Variants in DST observed in about 807,000 individuals in gnomAD.
The protein encoded by DST is bullous pemphigoid antigen.
In DST, 253 loss-of-function variants were observed where a neutral mutation model predicts 875.2. That is an observed-to-expected ratio of 0.29 (90% CI 0.26 to 0.32). The LOEUF (loss-of-function observed/expected upper bound fraction) is 0.32, where lower values mean the gene tolerates loss of function less well. DST is among the 10% of genes least tolerant of loss of function. The probability of loss-of-function intolerance (pLI) is 1.00; values close to 1 mark genes in which losing one functional copy is unlikely to be tolerated. For missense variants in DST, 8,287 were observed against 9,111.6 expected (o/e 0.91, Z 3.68); for synonymous variants, 3,124 against 3,197.1 (o/e 0.98, Z 0.77).
At chr6:56,781,538 T>C (rs2099693973) in intron 4 of DST, among the ~76,000 whole-genome samples, 1 of 152,198 alleles carries the variant, frequency 6.6e-6, no homozygotes, top group South Asian at 2.1e-4. Flanking sequence ...GTTATTGGTG[T>C]ACAAGAATGC....
intron 4 of DST, among the ~76,000 whole-genome samples, chr6:56,762,156 G>C (rs2099618717): frequency 6.6e-6 from 1 of 152,112 alleles, no homozygotes; most frequent in Non-Finnish European, 1.5e-5. Flanking sequence ...GAGTAGCTGG[G>C]ATTACAGGTA....
At position 56,552,814 on chromosome 6, in the gene DST, C is replaced by T. The variant is rs939749187; in HGVS notation, c.15978G>A (p.Lys5326=). Reference sequence around the variant, plus strand: ...GTCTTTTAGCCAAATCTACCTGATGCTTCAAGGCCTGAAGTGATTTCTGCT... The same window carrying T: ...GTCTTTTAGCCAAATCTACCTGATGTTTCAAGGCCTGAAGTGATTTCTGCT... ...QTQQKSLQAL[K]HQVDLAKRLA... The change falls in exon 61 of 104, where the codon AAG becomes AAA. Residue 5326 remains lysine, a synonymous_variant. Coordinates refer to ENST00000680361, the MANE Select transcript of DST (RefSeq NM_001374736.1). The T allele has an allele frequency of 1.2e-6, 2 of 1,612,000 alleles. No individual in the cohort carries two copies. Among genetic ancestry groups the T allele is most frequent in the African/African-American group, 2.7e-5 (2 of 75,062 alleles).
At chr6:56,779,777 A>G (rs936937475) in intron 4 of DST, among the ~76,000 whole-genome samples, 4 of 150,328 alleles carry the variant, frequency 2.7e-5, no homozygotes, top group African/African-American at 9.8e-5. Context: ...CACAATATGC[A>G]GGTTAGTTAC....
Position 56,634,936 on chromosome 6 carries a change from A to G in DST, c.3204T>C (p.Leu1068=), listed in dbSNP as rs1332985589. 6.2e-7 allele frequency: 1 copy of G among 1,612,812 alleles called. No homozygotes were observed. The highest frequency in any genetic ancestry group is 1.7e-5 in the Admixed American group (1 of 60,024). ...TTGCTATAGTGCTTTTGTACTGCAG[A>G]AGTTCTTCTTTCTCTTCCTAAGTAA... The part of the protein sequence containing the change: ...VQESMEEKEE[L]LQYKSTIANL... The change falls in exon 25 of 104, where the codon CTT becomes CTC. Residue 1068 remains leucine (L), a synonymous_variant. Transcript: ENST00000680361.
At chr6:56,892,911 C>G (rs1030256951) in intron 3 of DST, among the ~76,000 whole-genome samples, 1 of 152,194 alleles carries the variant, frequency 6.6e-6, no homozygotes, top group South Asian at 2.1e-4. Flanking sequence ...AAGGAAGAAA[C>G]TACTATTTAT....
intron 9 of DST, among the ~76,000 whole-genome samples, chr6:56,673,529 C>T (rs73746929): frequency 0.17 from 25,750 of 152,074 alleles, 5,426 homozygotes; most frequent in African/African-American, 0.5. Context: ...ACCAGCTTAA[C>T]AGGTTCAAGT....
intron 50 of DST, among the ~76,000 whole-genome samples, chr6:56,576,212 C>T (rs570422876): frequency 6.6e-6 from 1 of 152,334 alleles, no homozygotes; most frequent in African/African-American, 2.4e-5. Flanking sequence ...TTCTGCTCCC[C>T]TTCTCCCATA....
Position 56,710,082 on chromosome 6 carries a change from ATC to A in DST, c.688-5715_688-5714del, listed in dbSNP as rs1361483614. ...ATTTTAAACAGAATGAGGCCATAAT[ATC>A]TCTGACCAATATAAAAGCTTCCCTG... is the stretch of plus-strand genomic sequence containing the variant. On this transcript the variant is annotated intron_variant, in intron 5 of 103. Coordinates refer to ENST00000680361, the MANE Select transcript of DST (RefSeq NM_001374736.1). Among the ~76,000 whole-genome samples the A allele has an allele frequency of 1.3e-5, 2 of 152,182 alleles. 1 individual carries two copies. The highest frequency in any genetic ancestry group is 1.3e-4 in the Admixed American group (2 of 15,286).
In DST at chr6:56,556,430, T is replaced by C. The variant is rs187252830; in HGVS notation, c.14641-590A>G. 2.9e-3 allele frequency among the ~76,000 whole-genome samples: 443 copies of C among 152,316 alleles called. 2 individuals carry two copies. The highest frequency in any genetic ancestry group is 4.7e-3 in the Non-Finnish European group (318 of 68,030). ...ATCCAAAAATCTCATTCTTTTAGTA[T>C]CATATTTTATCTATCTTTTATACTT... On this transcript the variant is annotated intron_variant, in intron 59 of 103. Transcript: ENST00000680361.
At chr6:56,615,786 A>G (rs2098608388) in intron 36 of DST, 1 of 1,614,004 alleles carries the variant, frequency 6.2e-7, no homozygotes, top group African/African-American at 1.3e-5. Flanking sequence ...CCTCCTGTCA[A>G]GTACTGAAAT....
At position 56,600,097 on chromosome 6, in the gene DST, T is replaced by C; in HGVS notation, c.11666A>G (p.Glu3889Gly). Residue 3889 changes from glutamate to glycine, a missense_variant, in exon 45 of 104, where the codon GAG (glutamate) becomes GGG (glycine). By Grantham distance (98) the Glu-to-Gly change is moderately conservative. Around this residue, in one of 10 missense-constraint regions of DST, gnomAD observed 3,138 missense variants for 3,116.6 expected, o/e 1.01. Coordinates refer to ENST00000680361, the MANE Select transcript of DST (RefSeq NM_001374736.1). ...TTGCTTGGACTGATATTTCTTTAAC[T>C]CAACTGTGCCATCTCCAATCATGAA... ...EAFMIGDGTV[E>G]LKKYQSKQEE... The C allele has an allele frequency of 6.2e-7, 1 of 1,612,604 alleles. No homozygotes were observed. Among genetic ancestry groups the C allele is most frequent in the Non-Finnish European group, 8.5e-7 (1 of 1,179,058 alleles).
chr6:56,822,996 A>AC (rs956048388), intron 4 of DST, among the ~76,000 whole-genome samples: 1 of 151,238 alleles, frequency 6.6e-6, no homozygotes, highest in Non-Finnish European at 1.5e-5. Context: ...AGCCTGGCTA[A>AC]TTTTTTTTGT....
chr6:56,517,171 A>T, intron 71 of DST, 27 bp downstream of exon 71: 1 of 1,528,484 alleles, frequency 6.5e-7, no homozygotes. Flanking sequence ...CAAGAGTCCC[A>T]CTACCAGTCC....
At chr6:56,761,450 T>C (rs1460000692) in intron 4 of DST, among the ~76,000 whole-genome samples, 1 of 152,226 alleles carries the variant, frequency 6.6e-6, no homozygotes, top group Non-Finnish European at 1.5e-5. Flanking sequence ...GCACACCATG[T>C]TATGTTGGTG....
intron 9 of DST, among the ~76,000 whole-genome samples, chr6:56,676,441 C>A (rs1402897880): frequency 6.6e-6 from 1 of 152,068 alleles, no homozygotes; most frequent in Non-Finnish European, 1.5e-5. Context: ...GTTAGTAAAA[C>A]CATTATGGAA....
rs1327403808 is a variant in DST at position 56,561,420 on chromosome 6, G to C, written c.14198C>G (p.Ser4733Ter). ...CTGTAACCACTGCATCATTGCACTT[G>C]ATTCTTCCTGAGCCTTTTGCAATTT... The part of the protein sequence containing the change: ...LSKLQKAQEE[S>*]SAMMQWLQKM... The change falls in exon 57 of 104, where the codon TCA becomes TGA. Residue 4733 changes from serine (S) to a stop codon, truncating the protein, a stop_gained. Coordinates refer to ENST00000680361, the MANE Select transcript of DST (RefSeq NM_001374736.1). LOFTEE classifies it high-confidence loss of function. 1 of 1,613,848 alleles carries C rather than the reference G, an allele frequency of 6.2e-7. No individual in the cohort carries two copies. The highest frequency in any genetic ancestry group is 8.5e-7 in the Non-Finnish European group (1 of 1,179,804).
At chr6:56,468,930 A>G (rs1234068794) in intron 98 of DST, 52 bp downstream of exon 98, 2 of 1,483,384 alleles carry the variant, frequency 1.3e-6, no homozygotes, top group African/African-American at 2.8e-5. Flanking sequence ...CTATGAATTA[A>G]AGTTAAAAAA....
Position 56,704,261 on chromosome 6 carries a change from TAAG to T in DST, c.777+16_777+18del. On this transcript the variant is annotated intron_variant, in intron 6 of 103. Coordinates refer to ENST00000680361, the MANE Select transcript of DST (RefSeq NM_001374736.1). ...AGATTACACGTTCTTCAAAATAAAA[TAAG>T]AAAGTTAAAACTTACCAAGGTATCT... 7.8e-7 allele frequency: 1 copy of T among 1,289,886 alleles called. No homozygotes were observed. Among genetic ancestry groups the T allele is most frequent in the Non-Finnish European group, 1.1e-6 (1 of 923,054 alleles). 79.9% of individuals were successfully genotyped at this position (1,289,886 alleles called of 1,614,324 possible).
intron 80 of DST, among the ~76,000 whole-genome samples, chr6:56,498,697 C>T (rs1026993188): frequency 6.6e-6 from 1 of 152,020 alleles, no homozygotes; most frequent in Non-Finnish European, 1.5e-5. Context: ...GCATACAGTA[C>T]CATATTTTAC....
Sources: allele counts gnomAD v4.1 joint callset (sites outside exome capture counted in the v4.1 genomes callset), GRCh38; gene constraint gnomAD v4.1.1; regional missense constraint gnomAD v4.1.1; transcripts MANE v1.5; gene names NCBI Gene and HGNC (gene_info 2026-07-23, HGNC 2026-07-21).